The following RAI1 variants were observed in gnomAD, a reference collection of about 807,000 sequenced individuals.
The protein encoded by RAI1 is retinoic acid induced 1.
Under a neutral mutation model 123.8 loss-of-function variants are expected in RAI1, and 9 were observed. The observed-to-expected ratio is 0.07, with a 90% CI of 0.04 to 0.13. The LOEUF (loss-of-function observed/expected upper bound fraction) is 0.13, where lower values mean the gene tolerates loss of function less well. RAI1 is among the 10% of genes least tolerant of loss of function. The pLI is 1.00. For synonymous variants in RAI1, 1,231 were observed against 1,127.3 expected, an observed-to-expected ratio of 1.09 and a Z score of -1.84; for missense variants, 2,256 against 2,545.8, an observed-to-expected ratio of 0.89 and a Z score of 2.45.
intron 2 of RAI1, among the ~76,000 whole-genome samples, chr17:17,748,887 A>G (rs569603356): frequency 3.3e-5 from 5 of 151,382 alleles, no homozygotes; most frequent in Admixed American, 6.6e-5. Flanking sequence ...CCCTAATGGG[A>G]CCTCCTCTAG....
Position 17,793,705 on chromosome 17 carries a change from G to A in RAI1, c.757G>A (p.Ala253Thr), listed in dbSNP as rs758931451. The A allele has an allele frequency of 1.0e-4, 169 of 1,612,862 alleles. No individual in the cohort carries two copies. The highest frequency in any genetic ancestry group is 1.4e-4 in the Non-Finnish European group (166 of 1,180,026). Residue 253 changes from alanine to threonine, a missense_variant, in exon 3 of 6, where the codon GCC (alanine) becomes ACC (threonine). Around this residue, in one of 7 missense-constraint regions of RAI1, gnomAD observed 336 missense variants for 349.8 expected, o/e 0.96. Coordinates refer to ENST00000353383, the MANE Select transcript of RAI1 (RefSeq NM_030665.4). ...TAQPHDRPLT[A>T]SSSLAPGQRV... is the part of the protein sequence containing the mutation. Reference sequence around the variant, plus strand: ...CCAGCCCCATGACAGGCCGCTGACTGCCAGCTCCAGCCTGGCCCCGGGGCA... The same window carrying A: ...CCAGCCCCATGACAGGCCGCTGACTACCAGCTCCAGCCTGGCCCCGGGGCA...
rs1915645444 is a variant in RAI1, at chr17:17,714,159, A to ATGG, written c.-148-9868_-148-9866dup. On this transcript the variant is annotated intron_variant, in intron 1 of 5. Coordinates refer to ENST00000353383, the MANE Select transcript of RAI1 (RefSeq NM_030665.4). The surrounding 1 kb of genome is among the most constrained non-coding windows in gnomAD (Gnocchi z 4.9). The stretch of plus-strand genomic sequence containing the variant: ...TGCCTGCTAGCAAGCTCTTCCTTAT[A>ATGG]TGGAGGTGAAATCTGTCTTCCTGTT... 6.6e-6 allele frequency among the ~76,000 whole-genome samples: 1 copy of ATGG among 152,044 alleles called. No homozygotes were observed. Among genetic ancestry groups the ATGG allele is most frequent in the Non-Finnish European group, 1.5e-5 (1 of 67,996 alleles).
chr17:17,686,619 G>A (rs180750997), intron 1 of RAI1, among the ~76,000 whole-genome samples: 76 of 147,298 alleles, frequency 5.2e-4, no homozygotes, highest in Non-Finnish European at 8.8e-4. Flanking sequence ...GCACGCGCGC[G>A]CCGGGGAGGG....
At chr17:17,741,133 GCTCACA>G (rs1916620184) in intron 2 of RAI1, among the ~76,000 whole-genome samples, 1 of 151,706 alleles carries the variant, frequency 6.6e-6, no homozygotes, top group South Asian at 2.1e-4. Flanking sequence ...ACACACGCAC[GCTCACA>G]CTCACACACT....
At chr17:17,781,201 G>A (rs1380790181) in intron 2 of RAI1, among the ~76,000 whole-genome samples, 1 of 152,206 alleles carries the variant, frequency 6.6e-6, no homozygotes, top group Non-Finnish European at 1.5e-5. Flanking sequence ...CGGCTGGAAT[G>A]CCCTGCTCCT....
Position 17,798,231 on chromosome 17 carries a change from T to A in RAI1, c.5283T>A (p.Ala1761=). ...AGCCCCCCAGGCCTGACGGCCCAGC[T>A]GACCCGGCCAAGCAGGGCCCACTGC... ...AGKPPRPDGP[A]DPAKQGPLRT... is the part of the protein sequence containing the mutation. The change falls in exon 3 of 6, where the codon GCT becomes GCA. Residue 1761 remains alanine, a synonymous_variant. Coordinates refer to ENST00000353383, the MANE Select transcript of RAI1 (RefSeq NM_030665.4). 1 of 1,610,868 alleles carries A rather than the reference T, an allele frequency of 6.2e-7. No homozygotes were observed. Among genetic ancestry groups the A allele is most frequent in the Non-Finnish European group, 8.5e-7 (1 of 1,178,956 alleles).
intron 2 of RAI1, among the ~76,000 whole-genome samples, chr17:17,733,055 G>A (rs1380895595): frequency 1.3e-5 from 2 of 152,064 alleles, no homozygotes; most frequent in South Asian, 4.1e-4. Flanking sequence ...GGGCACTATC[G>A]GCAGAGCTAC....
intron 2 of RAI1, chr17:17,776,612 T>TC (rs1458378819): frequency 6.7e-6 from 1 of 148,250 alleles, no homozygotes; most frequent in Non-Finnish European, 1.5e-5. Context: ...CACCTTGGCC[T>TC]CCCAAAGTGC....
chr17:17,705,032 C>T (rs758647436), intron 1 of RAI1, among the ~76,000 whole-genome samples: 3 of 152,138 alleles, frequency 2.0e-5, no homozygotes, highest in Non-Finnish European at 4.4e-5. Context: ...GAGGGAGCCT[C>T]CCTGCTACCC....
intron 1 of RAI1, among the ~76,000 whole-genome samples, chr17:17,723,666 G>A (rs1357327742): frequency 1.6e-5 from 2 of 124,742 alleles, no homozygotes; most frequent in Non-Finnish European, 1.7e-5. Context: ...CTCATCTCTC[G>A]CCCCCCCGCC....
At chr17:17,716,386 A>G (rs1915712352) in intron 1 of RAI1, among the ~76,000 whole-genome samples, 1 of 152,222 alleles carries the variant, frequency 6.6e-6, no homozygotes, top group Non-Finnish European at 1.5e-5. Flanking sequence ...TGTGTCATTT[A>G]TATGTATACA....
intron 1 of RAI1, among the ~76,000 whole-genome samples, chr17:17,689,789 G>A (rs769333095): frequency 2.0e-5 from 3 of 152,146 alleles, no homozygotes; most frequent in Non-Finnish European, 2.9e-5. Context: ...CCAGCATCAG[G>A]TACATAGAAA....
At chr17:17,687,088 A>G (rs763113961) in intron 1 of RAI1, among the ~76,000 whole-genome samples, 9 of 152,052 alleles carry the variant, frequency 5.9e-5, no homozygotes, top group Non-Finnish European at 1.2e-4. Context: ...GGTTCAAGCA[A>G]TTCTCTGGCT....
At chr17:17,684,684 A>ATG (rs1914565037) in intron 1 of RAI1, 1 of 44,806 alleles carries the variant, frequency 2.2e-5, no homozygotes, top group Non-Finnish European at 6.4e-5. Context: ...ATATATATAT[A>ATG]TATATATATA....
Position 17,810,553 on chromosome 17 carries a change from G to T in RAI1, c.*572G>T, listed in dbSNP as rs1010214320. 8.5e-5 allele frequency: 26 copies of T among 305,714 alleles called. No individual in the cohort carries two copies. Among genetic ancestry groups the T allele is most frequent in the Non-Finnish European group, 1.1e-4 (17 of 153,650 alleles). 18.9% of individuals were successfully genotyped at this position (305,714 alleles called of 1,614,324 possible). The stretch of plus-strand genomic sequence containing the variant: ...CTAGGCCGGCACTGGAGAGGCCGGA[G>T]CCTTTGGAACAAACCGTGCGGAACG... On this transcript the variant is annotated 3_prime_UTR_variant, in exon 6 of 6. Coordinates refer to ENST00000353383, the MANE Select transcript of RAI1 (RefSeq NM_030665.4). The surrounding 1 kb of genome is among the most constrained non-coding windows in gnomAD (Gnocchi z 4.6).
intron 3 of RAI1, chr17:17,802,055 G>A: frequency 2.1e-6 from 1 of 470,730 alleles, no homozygotes; most frequent in South Asian, 1.5e-5. Context: ...TGGCACTGTG[G>A]CTCTGGCGCC....
chr17:17,763,911 T>C (rs932633698), intron 2 of RAI1, among the ~76,000 whole-genome samples: 1 of 152,224 alleles, frequency 6.6e-6, no homozygotes, highest in Non-Finnish European at 1.5e-5. Context: ...ACTCAGGACC[T>C]GGGCAGACAG....
intron 2 of RAI1, among the ~76,000 whole-genome samples, chr17:17,763,329 G>T (rs987710945): frequency 2.0e-5 from 3 of 152,230 alleles, no homozygotes; most frequent in African/African-American, 7.2e-5. Context: ...ACCGGGAGCT[G>T]CCTGTGAAGT....
chr17:17,715,440 G>A (rs979435339), intron 1 of RAI1, among the ~76,000 whole-genome samples: 1 of 152,204 alleles, frequency 6.6e-6, no homozygotes, highest in Non-Finnish European at 1.5e-5. Context: ...AGGATTCCAT[G>A]TGGGGTGCTT....
Sources: allele counts gnomAD v4.1 joint callset (sites outside exome capture counted in the v4.1 genomes callset), GRCh38; gene constraint gnomAD v4.1.1; regional missense constraint gnomAD v4.1.1; non-coding constraint Gnocchi (gnomAD v3.1); transcripts MANE v1.5; gene names NCBI Gene and HGNC (gene_info 2026-07-23, HGNC 2026-07-21).